LIPA: variants seen among roughly 807,000 people sequenced by gnomAD.
LIPA encodes lysosomal acid lipase/cholesteryl ester hydrolase.
LIPA carries 26 observed loss-of-function variants against 40.6 expected under a neutral mutation model. The observed-to-expected ratio is 0.64, with a 90% CI of 0.47 to 0.89. The LOEUF (loss-of-function observed/expected upper bound fraction) is 0.89. Among genes scored for constraint, LIPA ranks in the 40% least tolerant of loss-of-function variants. LIPA has a pLI of 0.00. For synonymous variants in LIPA, 188 were observed against 168.4 expected, an observed-to-expected ratio of 1.12 and a Z score of -0.90; for missense variants, 455 against 479.6, an observed-to-expected ratio of 0.95 and a Z score of 0.48.
chr10:89,290,027 T>G (rs988255274), intron 1 of LIPA, among the ~76,000 whole-genome samples: 2 of 151,794 alleles, frequency 1.3e-5, no homozygotes, highest in Non-Finnish European at 2.9e-5. Flanking sequence ...TATTTTCACA[T>G]GAAGAGTGCT....
upstream of LIPA, among the ~76,000 whole-genome samples, chr10:89,254,009 C>T (rs1350937389): frequency 6.6e-6 from 1 of 152,230 alleles, no homozygotes; most frequent in Non-Finnish European, 1.5e-5. Flanking sequence ...GACCCTTCCT[C>T]CTGGCTCCTT....
At chr10:89,386,075 C>CTGGA (rs1183905271) in intron 2 of LIPA, among the ~76,000 whole-genome samples, 5 of 152,100 alleles carry the variant, frequency 3.3e-5, no homozygotes, top group Non-Finnish European at 5.9e-5. Flanking sequence ...GTTGCTCAGG[C>CTGGA]TGGAGTTCAG....
intron 1 of LIPA, chr10:89,327,784 G>A: frequency 2.5e-6 from 1 of 402,148 alleles, no homozygotes. Flanking sequence ...ACAAATTTTA[G>A]TCACAGTTTT....
upstream of LIPA, among the ~76,000 whole-genome samples, chr10:89,254,845 C>G (rs932857726): frequency 2.2e-4 from 34 of 152,224 alleles, no homozygotes; most frequent in African/African-American, 8.2e-4. Flanking sequence ...TCACAAATCT[C>G]TAGGGCAGGG....
rs780399120 is a variant in LIPA at position 89,223,824 on chromosome 10, A to G, written c.682T>C (p.Phe228Leu). The G allele has an allele frequency of 3.1e-6, 5 of 1,614,092 alleles. No homozygotes were observed. The highest frequency in any genetic ancestry group is 2.7e-5 in the African/African-American group (2 of 75,028). ...RLPDHLIKDL[F>L]GDKEFLPQSA... is the part of the protein sequence containing the mutation. ...TGGGGAAGAAATTCTTTGTCTCCAA[A>G]TAAGTCCTACAAAATAAAAAGAAAC... Residue 228 changes from phenylalanine to leucine, a missense_variant, in exon 7 of 10, where the codon TTT becomes CTT. Transcript: ENST00000336233.
chr10:89,351,983 G>A (rs759497891), intron 2 of LIPA, among the ~76,000 whole-genome samples: 2 of 152,106 alleles, frequency 1.3e-5, no homozygotes, highest in Non-Finnish European at 2.9e-5. Flanking sequence ...TCTTGGCCAC[G>A]GGGACCCCAG....
At chr10:89,405,345 CAT>C (rs1448182763) in intron 2 of LIPA, 1 of 152,028 alleles carries the variant, frequency 6.6e-6, no homozygotes, top group Non-Finnish European at 1.5e-5. Context: ...TATGAATAAT[CAT>C]ATTTTATTGA....
chr10:89,383,569 C>G lies in LIPA; in HGVS notation c.61+29222G>C. On this transcript the variant is annotated intron_variant, in intron 2 of 8. Coordinates refer to the LIPA transcript ENST00000371837. ...GGCTGAAGACTTAATTCAGAAAGAA[C>G]ATGCCAACCAAGCAGATATTAGAAG... 1.9e-6 allele frequency: 3 copies of G among 1,614,200 alleles called. No individual in the cohort carries two copies. In the East Asian group the frequency reaches 6.7e-5, roughly 36 times the overall value.
chr10:89,221,184 T>C (rs1376767810), intron 8 of LIPA, among the ~76,000 whole-genome samples: 1 of 152,102 alleles, frequency 6.6e-6, no homozygotes, highest in African/African-American at 2.4e-5. Flanking sequence ...AATTGTATAC[T>C]TTAAATATTC....
At chr10:89,240,688 G>C (rs1370614576) in intron 3 of LIPA, among the ~76,000 whole-genome samples, 1 of 152,154 alleles carries the variant, frequency 6.6e-6, no homozygotes, top group Non-Finnish European at 1.5e-5. Flanking sequence ...CCCATGACTG[G>C]TGGCTCTTCA....
rs73357739 is a variant in LIPA, at chr10:89,222,454, C to G, written c.894+57G>C. 825 of 1,073,852 alleles carry G rather than the reference C, an allele frequency of 7.7e-4. 2 individuals are homozygous for G. In the African/African-American group the frequency reaches 0.01, roughly 13 times the overall value. The allele number at this position is 1,073,852 out of a possible 1,614,324, so 66.5% of individuals were successfully genotyped here. A position where few individuals can be genotyped will look rare whatever the true frequency, so the allele number is the denominator to read the frequency against. ...TCTATTTGGAAAGGGTTTGCATGCC[C>G]AGACCTTTCTGATGTTGATTTTACA... On this transcript the variant is annotated intron_variant, in intron 8 of 9. Transcript: ENST00000336233.
intron 3 of LIPA, among the ~76,000 whole-genome samples, chr10:89,244,683 A>G (rs1332391422): frequency 6.6e-6 from 1 of 152,216 alleles, no homozygotes; most frequent in African/African-American, 2.4e-5. Context: ...CAGTCTGTCT[A>G]GAAATTCCTT....
intron 2 of LIPA, chr10:89,403,431 C>A: frequency 6.2e-7 from 1 of 1,613,704 alleles, no homozygotes; most frequent in South Asian, 1.1e-5. Context: ...CCACTATGGT[C>A]GGTTTCAGGA....
chr10:89,405,912 T>TA (rs1241606049), intron 2 of LIPA: 1 of 152,198 alleles, frequency 6.6e-6, no homozygotes, highest in Admixed American at 6.5e-5. Flanking sequence ...GCATTATTCT[T>TA]ACCACAGAGC....
At chr10:89,273,266 G>C (rs1483683368) in intron 1 of LIPA, among the ~76,000 whole-genome samples, 2 of 152,088 alleles carry the variant, frequency 1.3e-5, no homozygotes. Flanking sequence ...CTCATTATAG[G>C]AGGAAGATGA....
At chr10:89,356,616 C>A (rs1046989025) in intron 2 of LIPA, among the ~76,000 whole-genome samples, 2 of 152,154 alleles carry the variant, frequency 1.3e-5, no homozygotes, top group Admixed American at 1.3e-4. Context: ...CCACTGTCTC[C>A]CATCACCCCC....
chr10:89,299,743 G>A (rs1232447028), intron 1 of LIPA, among the ~76,000 whole-genome samples: 2 of 151,332 alleles, frequency 1.3e-5, no homozygotes, highest in Non-Finnish European at 2.9e-5. Context: ...CAGTTAGTAT[G>A]GCTATTATTA....
chr10:89,310,033 G>A (rs1564783068), intron 1 of LIPA, among the ~76,000 whole-genome samples: 1 of 152,178 alleles, frequency 6.6e-6, no homozygotes. Context: ...AATGACCATT[G>A]CCCCTAAAAC....
intron 2 of LIPA, among the ~76,000 whole-genome samples, chr10:89,360,021 T>C (rs1356228484): frequency 6.6e-6 from 1 of 152,162 alleles, no homozygotes; most frequent in Non-Finnish European, 1.5e-5. Context: ...AAATGAAGAA[T>C]TTGGAAATTG....
Sources: allele counts gnomAD v4.1 joint callset (sites outside exome capture counted in the v4.1 genomes callset), GRCh38; gene constraint gnomAD v4.1.1; transcripts MANE v1.5; gene names NCBI Gene and HGNC (gene_info 2026-07-23, HGNC 2026-07-21).